PCDHGB1: variants seen among roughly 807,000 people sequenced by gnomAD.
PCDHGB1 encodes the protein protocadherin gamma-B1.
In PCDHGB1, 34 loss-of-function variants were observed where a neutral mutation model predicts 56.6. That is an observed-to-expected ratio of 0.60 (90% confidence interval 0.46 to 0.80). PCDHGB1 has a LOEUF of 0.80. Among genes scored for constraint, PCDHGB1 ranks in the 30% least tolerant of loss-of-function variants. The pLI is 0.00. For synonymous variants in PCDHGB1, 561 were observed against 505.9 expected (o/e 1.11, Z -1.46); for missense variants, 1,278 against 1,204.6 (o/e 1.06, Z -0.90).
intron 1 of PCDHGB1, chr5:141,422,694 T>C: frequency 6.2e-7 from 1 of 1,603,912 alleles, no homozygotes; most frequent in Non-Finnish European, 8.5e-7. Context: ...CCCTGGTCAC[T>C]TACTCTCTGA....
intron 1 of PCDHGB1, among the ~76,000 whole-genome samples, chr5:141,373,021 T>C (rs2150016771): frequency 6.6e-6 from 1 of 152,328 alleles, no homozygotes; most frequent in Non-Finnish European, 1.5e-5. Flanking sequence ...CTTTTGATAG[T>C]CTTGAAACTT....
chr5:141,458,350 A>C (rs1259508706), intron 1 of PCDHGB1, among the ~76,000 whole-genome samples: 1 of 152,162 alleles, frequency 6.6e-6, no homozygotes, highest in East Asian at 1.9e-4. Flanking sequence ...GGAGAGTTTA[A>C]TAAGCAAGAA....
intron 1 of PCDHGB1, chr5:141,383,239 A>G: frequency 6.2e-7 from 1 of 1,613,966 alleles, no homozygotes; most frequent in Non-Finnish European, 8.5e-7. Flanking sequence ...GGAAGATAAA[A>G]TGAATCTTTA....
In PCDHGB1 at chr5:141,489,844, C is replaced by G. The variant is rs1004902910; in HGVS notation, c.2410-4963C>G. Reference sequence around the variant, plus strand: ...GCTGGTGCTAGAGCAGCAGCTGGATCGTGAAGCCCAGGCAAGACATCAGCT... The same window carrying G: ...GCTGGTGCTAGAGCAGCAGCTGGATGGTGAAGCCCAGGCAAGACATCAGCT... On this transcript the variant is annotated intron_variant, in intron 1 of 3. Coordinates refer to ENST00000523390, the MANE Select transcript of PCDHGB1 (RefSeq NM_018922.3). The surrounding 1 kb of genome is among the most constrained non-coding windows in gnomAD (Gnocchi z 4.5). The G allele has an allele frequency of 1.2e-6, 2 of 1,614,030 alleles. No individual in the cohort carries two copies. Among genetic ancestry groups the G allele is most frequent in the Non-Finnish European group, 8.5e-7 (1 of 1,179,990 alleles).
chr5:141,445,075 A>G (rs1251499929), intron 1 of PCDHGB1, among the ~76,000 whole-genome samples: 1 of 152,170 alleles, frequency 6.6e-6, no homozygotes, highest in East Asian at 1.9e-4. Context: ...TTCTCATTAA[A>G]TTGTCCCTAC....
rs1299290167 is a variant in PCDHGB1, at chr5:141,352,650, A to G, written c.2390A>G (p.Asp797Gly). The G allele has an allele frequency of 1.2e-6, 2 of 1,602,438 alleles. No homozygotes were observed. The highest frequency in any genetic ancestry group is 1.7e-6 in the Non-Finnish European group (2 of 1,174,032). The change falls in exon 1 of 4, where the codon GAC becomes GGC. Residue 797 changes from aspartate to glycine, a missense_variant. Coordinates refer to ENST00000523390, the MANE Select transcript of PCDHGB1 (RefSeq NM_018922.3). ...AATGAAGATCACAAAATCGCTTATG[A>G]CCCTTCTTTGTCTTCGCACGTGAGT... ...ASNEDHKIAY[D>G]PSLSSHQAPP... is the part of the protein sequence containing the mutation.
At chr5:141,388,513 TGA>T in intron 1 of PCDHGB1, 2 of 1,613,840 alleles carry the variant, frequency 1.2e-6, no homozygotes, top group African/African-American at 2.7e-5. Flanking sequence ...TCCTACCACT[TGA>T]CTTTGACTGC....
chr5:141,370,460 C>T (rs373931690), intron 1 of PCDHGB1: 1 of 1,612,562 alleles, frequency 6.2e-7, no homozygotes, highest in Non-Finnish European at 8.5e-7. Context: ...TCTTCCTGCT[C>T]TCTTTGTTAG....
At chr5:141,384,071 C>A (rs1476893471) in intron 1 of PCDHGB1, 2 of 1,603,074 alleles carry the variant, frequency 1.2e-6, no homozygotes, top group Non-Finnish European at 1.7e-6. Context: ...GAAAACCTAC[C>A]TTTTAAATTA....
chr5:141,511,728 A>C lies in PCDHGB1; in HGVS notation c.*555A>C, dbSNP rs904031366. 2.2e-5 allele frequency: 4 copies of C among 177,940 alleles called. No homozygotes were observed. The highest frequency in any genetic ancestry group is 7.0e-5 in the African/African-American group (3 of 42,626). 11.0% of individuals were successfully genotyped at this position (177,940 alleles called of 1,614,324 possible). ...TCACCTCCTTCCAGAGCCCAAGATC[A>C]ATGCTCAAGTTTTGGAGGACATGAT... On this transcript the variant is annotated 3_prime_UTR_variant, in exon 4 of 4. Coordinates refer to ENST00000523390, the MANE Select transcript of PCDHGB1 (RefSeq NM_018922.3).
Position 141,477,413 on chromosome 5 carries a change from G to A in PCDHGB1, c.2410-17394G>A. ...CCTCAGCATCACCGCCCGAGACGCC[G>A]GAACCCCTTCCCTCTCAGCCCTTAC... On this transcript the variant is annotated intron_variant, in intron 1 of 3. Transcript: ENST00000523390. This position sits in a 1 kb window ranked among gnomAD's most constrained non-coding sequence, Gnocchi z 4.9. 1 of 1,614,080 alleles carries A rather than the reference G, an allele frequency of 6.2e-7. No individual in the cohort carries two copies. Among genetic ancestry groups the A allele is most frequent in the Non-Finnish European group, 8.5e-7 (1 of 1,180,026 alleles).
rs767147157 is a variant in PCDHGB1, at chr5:141,351,561, T to G, written c.1301T>G (p.Ile434Ser). The G allele has an allele frequency of 6.2e-7, 1 of 1,614,004 alleles. No individual in the cohort carries two copies. Among genetic ancestry groups the G allele is most frequent in the Non-Finnish European group, 8.5e-7 (1 of 1,179,896 alleles). The change falls in exon 1 of 4, where the codon ATC (isoleucine) becomes AGC (serine). Residue 434 changes from isoleucine to serine, a missense_variant. Coordinates refer to ENST00000523390, the MANE Select transcript of PCDHGB1 (RefSeq NM_018922.3). ...GKPALSSRTSITLHISDINDN... is the reference protein window; with the variant it reads ...GKPALSSRTSSTLHISDINDN... ...CCAGCCCTTTCCTCCAGGACAAGCA[T>G]CACCCTGCACATCTCCGACATCAAC...
intron 1 of PCDHGB1, chr5:141,418,613 C>T (rs759701663): frequency 9.9e-6 from 16 of 1,613,892 alleles, no homozygotes; most frequent in Non-Finnish European, 1.4e-5. Context: ...GGTTAGCCTT[C>T]GGGAAGACGT....
intron 1 of PCDHGB1, chr5:141,366,731 A>G: frequency 6.2e-7 from 1 of 1,613,012 alleles, no homozygotes; most frequent in Non-Finnish European, 8.5e-7. Flanking sequence ...AGATGCAAAC[A>G]AAGAAGAACG....
intron 1 of PCDHGB1, chr5:141,440,448 A>G (rs2098178859): frequency 6.6e-6 from 1 of 152,168 alleles, no homozygotes; most frequent in East Asian, 1.9e-4. Context: ...CGCCATCTCA[A>G]AAAAAATGAA....
intron 1 of PCDHGB1, chr5:141,388,772 C>T (rs747075769): frequency 1.2e-6 from 2 of 1,613,798 alleles, no homozygotes; most frequent in Non-Finnish European, 1.7e-6. Flanking sequence ...ACTCTAACAC[C>T]GGGGAAATTA....
At chr5:141,364,276 T>C (rs1045557569) in intron 1 of PCDHGB1, 1 of 1,515,100 alleles carries the variant, frequency 6.6e-7, no homozygotes, top group Middle Eastern at 1.8e-4. Flanking sequence ...TTTAGATAAA[T>C]AAGGAAACAG....
At chr5:141,360,282 C>T (rs777627634) in intron 1 of PCDHGB1, 1 of 1,613,984 alleles carries the variant, frequency 6.2e-7, no homozygotes, top group Non-Finnish European at 8.5e-7. Flanking sequence ...TCGTAGGAAA[C>T]CTCGCCAAGG....
At chr5:141,470,383 G>A (rs569789033) in intron 1 of PCDHGB1, among the ~76,000 whole-genome samples, 7 of 152,246 alleles carry the variant, frequency 4.6e-5, no homozygotes, top group South Asian at 2.1e-4. Context: ...AAGACTACTC[G>A]ATGATATTTA....
Sources: allele counts gnomAD v4.1 joint callset (sites outside exome capture counted in the v4.1 genomes callset), GRCh38; gene constraint gnomAD v4.1.1; non-coding constraint Gnocchi (gnomAD v3.1); transcripts MANE v1.5; gene names NCBI Gene and HGNC (gene_info 2026-07-23, HGNC 2026-07-21).